The following WWOX variants were observed in gnomAD, a reference collection of about 807,000 sequenced individuals.
WWOX encodes the protein WW domain containing oxidoreductase.
Under a neutral mutation model 46.2 loss-of-function variants are expected in WWOX, and 69 were observed. The observed-to-expected ratio is 1.49, with a 90% CI of 1.23 to 1.82. The LOEUF is 1.82. Among genes scored for constraint, WWOX ranks in the 40% most tolerant of loss-of-function variants. WWOX has a pLI of 0.00. For missense variants in WWOX, 919 were observed against 542.6 expected, an observed-to-expected ratio of 1.69 and a Z score of -6.89; for synonymous variants, 359 against 202.6, an observed-to-expected ratio of 1.77 and a Z score of -6.56.
intron 8 of WWOX, among the ~76,000 whole-genome samples, chr16:78,491,613 C>T (rs1378651411): frequency 6.6e-6 from 1 of 152,112 alleles, no homozygotes; most frequent in Non-Finnish European, 1.5e-5. Context: ...CAGTTGTGCG[C>T]TACCACACCT....
chr16:78,526,847 CCTGGCCTGGT>C (rs1278924869), intron 8 of WWOX, among the ~76,000 whole-genome samples: 1 of 152,164 alleles, frequency 6.6e-6, no homozygotes, highest in Non-Finnish European at 1.5e-5. Flanking sequence ...GAGGAGCCAG[CCTGGCCTGGT>C]CTGGCCTGGC....
intron 8 of WWOX, among the ~76,000 whole-genome samples, chr16:79,188,625 G>A (rs989427642): frequency 6.6e-6 from 1 of 152,170 alleles, no homozygotes; most frequent in Non-Finnish European, 1.5e-5. Flanking sequence ...TTTCTTCTGA[G>A]CCATCTGTTG....
intron 5 of WWOX, among the ~76,000 whole-genome samples, chr16:78,353,606 A>T (rs1217958627): frequency 6.6e-6 from 1 of 152,246 alleles, no homozygotes; most frequent in Non-Finnish European, 1.5e-5. Flanking sequence ...CAATATGCAA[A>T]GACTTGGGGA....
chr16:78,287,662 A>T (rs2151858511), intron 5 of WWOX, among the ~76,000 whole-genome samples: 1 of 152,310 alleles, frequency 6.6e-6, no homozygotes, highest in East Asian at 1.9e-4. Context: ...ATCAAAATAG[A>T]GAAGGAAAGG....
intron 4 of WWOX, among the ~76,000 whole-genome samples, chr16:78,122,093 A>G (rs2033124990): frequency 6.6e-6 from 1 of 152,086 alleles, no homozygotes. Flanking sequence ...GTTCTATTTT[A>G]TTATTATTGT....
chr16:78,676,380 A>G (rs1399445391), intron 8 of WWOX, among the ~76,000 whole-genome samples: 2 of 150,116 alleles, frequency 1.3e-5, no homozygotes, highest in South Asian at 2.1e-4. Context: ...AGCATGAGCT[A>G]TTAACAGCCC....
intron 8 of WWOX, among the ~76,000 whole-genome samples, chr16:78,648,186 C>G (rs538180328): frequency 6.6e-6 from 1 of 152,242 alleles, no homozygotes; most frequent in African/African-American, 2.4e-5. Context: ...ACGGCTATTT[C>G]TTTAGGACGT....
At chr16:78,686,307 C>G (rs550223464) in intron 8 of WWOX, among the ~76,000 whole-genome samples, 2 of 151,772 alleles carry the variant, frequency 1.3e-5, no homozygotes, top group Admixed American at 6.6e-5. Flanking sequence ...GTCAGGAGAT[C>G]CAGACCATCC....
intron 4 of WWOX, among the ~76,000 whole-genome samples, chr16:78,160,362 C>T (rs761388370): frequency 6.6e-5 from 10 of 152,166 alleles, no homozygotes; most frequent in East Asian, 1.9e-4. Flanking sequence ...TGGGCTCAAG[C>T]GATCCACCCG....
intron 8 of WWOX, among the ~76,000 whole-genome samples, chr16:78,608,662 G>A (rs759020644): frequency 5.9e-5 from 9 of 152,142 alleles, no homozygotes; most frequent in African/African-American, 1.4e-4. Context: ...GTCAGTTGGC[G>A]TCCACCCTTG....
intron 8 of WWOX, among the ~76,000 whole-genome samples, chr16:78,565,772 T>C (rs971642839): frequency 2.0e-5 from 3 of 152,120 alleles, no homozygotes; most frequent in Non-Finnish European, 4.4e-5. Context: ...CTCCAGGCTA[T>C]CCGCGGAAGT....
intron 8 of WWOX, among the ~76,000 whole-genome samples, chr16:79,093,753 C>T (rs1482206606): frequency 6.6e-6 from 1 of 152,172 alleles, no homozygotes; most frequent in Admixed American, 6.5e-5. Flanking sequence ...TAAACTTGTT[C>T]CTCTTCTCCA....
intron 8 of WWOX, among the ~76,000 whole-genome samples, chr16:78,958,957 A>T (rs1431326776): frequency 2.0e-5 from 3 of 152,216 alleles, no homozygotes; most frequent in African/African-American, 7.2e-5. Flanking sequence ...TGGGTTCAAG[A>T]TCTGAGGTAA....
chr16:78,754,161 G>C (rs866549395), intron 8 of WWOX, among the ~76,000 whole-genome samples: 1 of 152,004 alleles, frequency 6.6e-6, no homozygotes, highest in Admixed American at 6.6e-5. Context: ...TCTTTCTCTA[G>C]AGAACTTGGT....
Position 78,601,987 on chromosome 16 carries a change from T to C in WWOX, c.1056+169235T>C, listed in dbSNP as rs896726925. On this transcript the variant is annotated intron_variant, in intron 8 of 8. Coordinates refer to ENST00000566780, the MANE Select transcript of WWOX (RefSeq NM_016373.4). ...GCAGTGTCTGTCTAACAATAAATTA[T>C]AGAGTCAGGCAAACAATGGTTTCGT... Among the ~76,000 whole-genome samples the C allele has an allele frequency of 7.2e-5, 11 of 152,350 alleles. No individual in the cohort carries two copies. The South Asian group carries it at 8.3e-4, about 11-fold the overall frequency.
intron 8 of WWOX, among the ~76,000 whole-genome samples, chr16:78,936,709 G>A (rs1240092014): frequency 6.6e-6 from 1 of 152,230 alleles, no homozygotes; most frequent in African/African-American, 2.4e-5. Context: ...TCTGACAACA[G>A]CTCAGCAATC....
chr16:78,654,893 A>G (rs1317761115), intron 8 of WWOX, among the ~76,000 whole-genome samples: 4 of 152,016 alleles, frequency 2.6e-5, no homozygotes, highest in Admixed American at 2.0e-4. Flanking sequence ...GGGGGGATGC[A>G]TATGTGTATG....
chr16:79,034,882 T>C (rs1239092870), intron 8 of WWOX, among the ~76,000 whole-genome samples: 1 of 152,142 alleles, frequency 6.6e-6, no homozygotes, highest in East Asian at 1.9e-4. Flanking sequence ...ACTTTAAAAA[T>C]AAAAGATAAT....
intron 8 of WWOX, among the ~76,000 whole-genome samples, chr16:78,583,666 C>G (rs1317481895): frequency 6.6e-6 from 1 of 152,156 alleles, no homozygotes; most frequent in African/African-American, 2.4e-5. Context: ...GTCAAGCCAT[C>G]AGGCAGCGGG....
Sources: gnomAD v4.1 joint callset for allele counts (sites outside exome capture counted in the v4.1 genomes callset) on GRCh38, gnomAD v4.1.1 for gene constraint, MANE v1.5 for transcripts, NCBI Gene and HGNC (gene_info 2026-07-23, HGNC 2026-07-21) for gene names.